ZNF34: variants seen among roughly 807,000 people sequenced by gnomAD.
The protein encoded by ZNF34 is zinc finger protein 34 (KOX 32).
A neutral mutation model predicts 14.4 loss-of-function variants in ZNF34; 8 were observed. The ratio of observed to expected loss-of-function variants is 0.55; its 90% CI spans 0.33 to 1.00. The LOEUF is 1.00. Ranked by LOEUF, ZNF34 falls within the 50% of genes least tolerant of loss-of-function variation. ZNF34 has a pLI of 0.03. For missense variants in ZNF34, 538 were observed against 674.2 expected (o/e 0.80, Z 2.24); for synonymous variants, 235 against 247.9 (o/e 0.95, Z 0.49).
chr8:144,777,407 A>G lies in ZNF34; in HGVS notation c.280+51T>C. On this transcript the variant is annotated intron_variant, in intron 5 of 5. Coordinates refer to ENST00000429371, the MANE Select transcript of ZNF34 (RefSeq NM_001286769.2). The surrounding 1 kb of genome is among the most constrained non-coding windows in gnomAD (Gnocchi z 4.8). The stretch of plus-strand genomic sequence containing the variant: ...TCATTAATCAGACACCCTGGACCCC[A>G]ATAAAGGCTCGTTCGGTGACTTGAG... 6.5e-7 allele frequency: 1 copy of G among 1,543,414 alleles called. No individual in the cohort carries two copies. The highest frequency in any genetic ancestry group is 2.0e-5 in the Admixed American group (1 of 50,680).
In ZNF34 at chr8:144,772,472, ATTATG is replaced by A. The variant is rs1431058431; in HGVS notation, c.*789_*793del. Among the ~76,000 whole-genome samples the A allele has an allele frequency of 3.9e-5, 6 of 152,250 alleles. No individual in the cohort carries two copies. The highest frequency in any genetic ancestry group is 9.6e-5 in the African/African-American group (4 of 41,476). ...AAATGGTTAAAATTGTAAATTTCAT[ATTATG>A]TTATTTCACCACAGTTAAAGGCAAC... On this transcript the variant is annotated 3_prime_UTR_variant, in exon 6 of 6. Coordinates refer to ENST00000429371, the MANE Select transcript of ZNF34 (RefSeq NM_001286769.2).
Position 144,773,674 on chromosome 8 carries a change from C to T in ZNF34, c.1212G>A (p.Glu404=). ...GEKPYKCNEC[E]KAFIQKTKLV... ...GTTTGGTTTTTTGAATGAAAGCTTT[C>T]TCACATTCATTACATTTATAGGGTT... The change falls in exon 6 of 6, where the codon GAG becomes GAA. Residue 404 remains glutamate (E), a synonymous_variant. Transcript: ENST00000429371. The surrounding 1 kb of genome is among the most constrained non-coding windows in gnomAD (Gnocchi z 5.4). 1.2e-6 allele frequency: 2 copies of T among 1,613,986 alleles called. No individual in the cohort carries two copies. Among genetic ancestry groups the T allele is most frequent in the Non-Finnish European group, 1.7e-6 (2 of 1,179,952 alleles).
chr8:144,780,952 G>T (rs922920005), intron 1 of ZNF34, among the ~76,000 whole-genome samples: 4 of 150,176 alleles, frequency 2.7e-5, no homozygotes, highest in East Asian at 2.0e-4. Context: ...CTGGCTGACG[G>T]TGAAACCCTG....
Position 144,773,134 on chromosome 8 carries a change from T to G in ZNF34, c.*132A>C. ...ACTGCTTTTGATTTAAGAAAAGAGG[T>G]TTGTTTAATGAGAAACGTCCTTTCA... On this transcript the variant is annotated 3_prime_UTR_variant, in exon 6 of 6. Coordinates refer to ENST00000429371, the MANE Select transcript of ZNF34 (RefSeq NM_001286769.2). The surrounding 1 kb of genome is among the most constrained non-coding windows in gnomAD (Gnocchi z 5.4). 1.0e-6 allele frequency: 1 copy of G among 993,554 alleles called. No homozygotes were observed. The highest frequency in any genetic ancestry group is 2.3e-5 in the South Asian group (1 of 44,078). The allele number at this position is 993,554 out of a possible 1,614,324, so 61.5% of individuals were successfully genotyped here.
At chr8:144,780,558 C>T (rs911428152) in intron 1 of ZNF34, among the ~76,000 whole-genome samples, 1 of 152,114 alleles carries the variant, frequency 6.6e-6, no homozygotes, top group South Asian at 2.1e-4. Context: ...GAGGCTGAGG[C>T]GGGTGGATCA....
chr8:144,782,842 CAAAAAAAAAAAAAAAA>C (rs548252812), intron 1 of ZNF34, among the ~76,000 whole-genome samples: 2,646 of 23,196 alleles, frequency 0.11, 73 homozygotes, highest in Middle Eastern at 0.23. Flanking sequence ...AAGCCTATCT[CAAAAAAAAAAAAAAAA>C]AAAAAAAAAA....
intron 1 of ZNF34, among the ~76,000 whole-genome samples, chr8:144,780,922 G>C (rs535335830): frequency 6.6e-6 from 1 of 151,266 alleles, no homozygotes; most frequent in Non-Finnish European, 1.5e-5. Context: ...GGATGGCGAG[G>C]TCAGGAGATC....
chr8:144,781,164 A>AATAAAT (rs1371657864), intron 1 of ZNF34, among the ~76,000 whole-genome samples: 3 of 117,968 alleles, frequency 2.5e-5, no homozygotes, highest in East Asian at 2.8e-4. Context: ...TAAATAAATA[A>AATAAAT]AAATAAAAAT....
At chr8:144,782,828 A>G (rs180783958) in intron 1 of ZNF34, among the ~76,000 whole-genome samples, 129 of 141,230 alleles carry the variant, frequency 9.1e-4, no homozygotes, top group Non-Finnish European at 1.7e-3. Flanking sequence ...CAGAGACAGA[A>G]CCAAAGCCTA....
At position 144,777,445 on chromosome 8, in the gene ZNF34, TC is replaced by T; in HGVS notation, c.280+12del. Reference sequence around the variant, plus strand: ...TCGGTGACTTGAGTTGGGGAGCAGATCCCCTCACGCACCTGGGCTGTTGACT... The same window carrying T: ...TCGGTGACTTGAGTTGGGGAGCAGATCCCTCACGCACCTGGGCTGTTGACT... On this transcript the variant is annotated intron_variant, in intron 5 of 5. Transcript: ENST00000429371. The surrounding 1 kb of genome is among the most constrained non-coding windows in gnomAD (Gnocchi z 4.8). 1 of 1,550,872 alleles carries T rather than the reference TC, an allele frequency of 6.4e-7. No homozygotes were observed. Among genetic ancestry groups the T allele is most frequent in the Non-Finnish European group, 8.7e-7 (1 of 1,146,580 alleles).
Position 144,787,290 on chromosome 8 carries a change from C to G in ZNF34, c.-119G>C, listed in dbSNP as rs1005078138. 2 of 152,566 alleles carry G rather than the reference C, an allele frequency of 1.3e-5. No homozygotes were observed. The highest frequency in any genetic ancestry group is 2.4e-5 in the African/African-American group (1 of 41,466). 9.5% of individuals were successfully genotyped at this position (152,566 alleles called of 1,614,324 possible). On this transcript the variant is annotated 5_prime_UTR_variant, in exon 1 of 6. Coordinates refer to ENST00000429371, the MANE Select transcript of ZNF34 (RefSeq NM_001286769.2). ...GGGCTCACACTCACCTCAGCGCCGC[C>G]GAGCAGCACGGCAGCCCAACCTCGC...
Position 144,773,780 on chromosome 8 carries a change from G to A in ZNF34, c.1106C>T (p.Pro369Leu). 6.2e-7 allele frequency: 1 copy of A among 1,614,106 alleles called. No homozygotes were observed. The highest frequency in any genetic ancestry group is 8.5e-7 in the Non-Finnish European group (1 of 1,179,962). Residue 369 changes from proline to leucine, a missense_variant, in exon 6 of 6, where the codon CCA becomes CTA. Pro to Leu is a moderately conservative substitution (Grantham distance 98, BLOSUM62 -3). Transcript: ENST00000429371. The surrounding 1 kb of genome is among the most constrained non-coding windows in gnomAD (Gnocchi z 5.4). ...RHRRTHTGEK[P>L]FECKECGKGF... is the part of the protein sequence containing the mutation. ...TTTGCCACATTCCTTGCACTCAAAT[G>A]GCTTCTCTCCGGTGTGAGTCCGACG...
chr8:144,787,094 G>A (rs1244829818), intron 1 of ZNF34, among the ~76,000 whole-genome samples, 185 bp downstream of exon 1: 1 of 148,368 alleles, frequency 6.7e-6, no homozygotes, highest in Non-Finnish European at 1.5e-5. Flanking sequence ...AGAGAGCGGC[G>A]AGGCGCAGTC....
rs1453798477 is a variant in ZNF34, at chr8:144,777,807, C to T, written c.161-230G>A. On this transcript the variant is annotated intron_variant, in intron 4 of 5. Coordinates refer to ENST00000429371, the MANE Select transcript of ZNF34 (RefSeq NM_001286769.2). This position sits in a 1 kb window ranked among gnomAD's most constrained non-coding sequence, Gnocchi z 4.8. ...ATGCAACTCCGCCCCCCCGGTGTCC[C>T]CCGCCCTACCAGGGAGGGGTCTGCC... Among the ~76,000 whole-genome samples, 2 of 152,076 alleles carry T rather than the reference C, an allele frequency of 1.3e-5. No individual in the cohort carries two copies. The highest frequency in any genetic ancestry group is 4.8e-5 in the African/African-American group (2 of 41,396).
In ZNF34 at chr8:144,773,971, CTG is replaced by C. The variant is rs1825331009; in HGVS notation, c.913_914del (p.Gln305GlufsTer19). The C allele has an allele frequency of 1.2e-6, 2 of 1,614,180 alleles. No individual in the cohort carries two copies. The highest frequency in any genetic ancestry group is 1.3e-5 in the African/African-American group (1 of 75,054). ...FTRRPNLMKH[Q>X]RIHTGEKPYK... ...AGGGTTTCTCCCCAGTGTGAATCCT[CTG>C]GTGCTTCATGAGGTTGGGCCTCCGG... On this transcript the variant is annotated frameshift_variant, in exon 6 of 6. Transcript: ENST00000429371. LOFTEE classifies it low-confidence loss of function (END_TRUNC). This position sits in a 1 kb window ranked among gnomAD's most constrained non-coding sequence, Gnocchi z 5.4.
At chr8:144,782,078 C>G (rs1217736569) in intron 1 of ZNF34, among the ~76,000 whole-genome samples, 3 of 152,104 alleles carry the variant, frequency 2.0e-5, no homozygotes, top group Non-Finnish European at 4.4e-5. Context: ...AATCCCAGCA[C>G]TTTGGGAGGC....
At chr8:144,781,159 A>AAATAAATAAATG (rs1825858418) in intron 1 of ZNF34, among the ~76,000 whole-genome samples, 1 of 150,978 alleles carries the variant, frequency 6.6e-6, no homozygotes, top group Non-Finnish European at 1.5e-5. Context: ...ATAAATAAAT[A>AAATAAATAAATG]AATAAAAATA....
chr8:144,779,817 A>C lies in ZNF34; in HGVS notation c.-55+411T>G, dbSNP rs1394341717. The stretch of plus-strand genomic sequence containing the variant: ...GGCATGCTAAGCTGTCTCATTCAGG[A>C]GGAAAACGACAATACTCATTCACTT... On this transcript the variant is annotated intron_variant, in intron 2 of 5. Coordinates refer to ENST00000429371, the MANE Select transcript of ZNF34 (RefSeq NM_001286769.2). This position sits in a 1 kb window ranked among gnomAD's most constrained non-coding sequence, Gnocchi z 4.1. 6.6e-6 allele frequency among the ~76,000 whole-genome samples: 1 copy of C among 152,074 alleles called. No homozygotes were observed. Among genetic ancestry groups the C allele is most frequent in the East Asian group, 1.9e-4 (1 of 5,194 alleles).
At chr8:144,776,311 CAA>C (rs767802287) in intron 5 of ZNF34, among the ~76,000 whole-genome samples, 23 of 117,082 alleles carry the variant, frequency 2.0e-4, no homozygotes, top group Admixed American at 1.8e-4. Context: ...GACTCTGTCT[CAA>C]AAAAAAAAAA....
Sources: allele counts gnomAD v4.1 joint callset (sites outside exome capture counted in the v4.1 genomes callset), GRCh38; gene constraint gnomAD v4.1.1; non-coding constraint Gnocchi (gnomAD v3.1); transcripts MANE v1.5; gene names NCBI Gene and HGNC (gene_info 2026-07-23, HGNC 2026-07-21).